CSMD1: variants seen among roughly 807,000 people sequenced by gnomAD.
CSMD1 encodes CUB and Sushi multiple domains 1, also known as CUB and sushi domain-containing protein 1.
In CSMD1, 213 loss-of-function variants were observed where a neutral mutation model predicts 417.5. The ratio of observed to expected loss-of-function variants is 0.51; its 90% CI spans 0.46 to 0.57. CSMD1 has a LOEUF of 0.57. Ranked by LOEUF, CSMD1 falls within the 20% of genes least tolerant of loss-of-function variation. The pLI is 0.00. For synonymous variants in CSMD1, 2,862 were observed against 1,736.8 expected, an observed-to-expected ratio of 1.65 and a Z score of -16.11; for missense variants, 6,923 against 4,529.7, an observed-to-expected ratio of 1.53 and a Z score of -15.17.
intron 3 of CSMD1, among the ~76,000 whole-genome samples, chr8:4,298,048 T>C (rs2128871494): frequency 6.6e-6 from 1 of 152,260 alleles, no homozygotes. Context: ...AACTCAAGCA[T>C]CACTACCAGT....
chr8:4,211,171 C>G (rs1369779453), intron 3 of CSMD1, among the ~76,000 whole-genome samples: 2 of 151,356 alleles, frequency 1.3e-5, no homozygotes, highest in African/African-American at 4.9e-5. Context: ...GGAAAAACAT[C>G]CTTGTACATG....
chr8:3,500,893 G>A (rs985907485), intron 10 of CSMD1, among the ~76,000 whole-genome samples: 3 of 151,974 alleles, frequency 2.0e-5, no homozygotes, highest in South Asian at 2.1e-4. Flanking sequence ...ATGAAGAGAA[G>A]TAAGAATGTG....
chr8:4,820,109 T>C (rs369801809), intron 1 of CSMD1, among the ~76,000 whole-genome samples: 344 of 152,268 alleles, frequency 2.3e-3, no homozygotes, highest in African/African-American at 7.9e-3. Context: ...AAGGCAAATC[T>C]GAGCTGGGAC....
At chr8:4,353,359 C>G (rs1462628546) in intron 3 of CSMD1, among the ~76,000 whole-genome samples, 1 of 152,148 alleles carries the variant, frequency 6.6e-6, no homozygotes, top group African/African-American at 2.4e-5. Flanking sequence ...TTGCCTTCCA[C>G]CATGATTGTG....
Position 4,030,285 on chromosome 8 carries a change from T to G in CSMD1, c.610+1620A>C, listed in dbSNP as rs190580158. Among the ~76,000 whole-genome samples, 1,074 of 152,314 alleles carry G rather than the reference T, an allele frequency of 7.1e-3. 8 individuals carry two copies. The highest frequency in any genetic ancestry group is 0.011 in the Non-Finnish European group (778 of 68,024). Reference sequence around the variant, plus strand: ...GCACTGCCCTAGCAAAGGTTCTCCATGAGGACCGCCACCCATAGCAAACTT... The same window carrying G: ...GCACTGCCCTAGCAAAGGTTCTCCAGGAGGACCGCCACCCATAGCAAACTT... On this transcript the variant is annotated intron_variant, in intron 4 of 69. Transcript: ENST00000635120.
At chr8:4,413,280 T>A (rs1796747720) in intron 3 of CSMD1, among the ~76,000 whole-genome samples, 1 of 152,168 alleles carries the variant, frequency 6.6e-6, no homozygotes, top group South Asian at 2.1e-4. Context: ...TGATCCTCAA[T>A]GACACAGCTT....
At chr8:3,981,834 G>T (rs540069558) in intron 5 of CSMD1, among the ~76,000 whole-genome samples, 4 of 152,154 alleles carry the variant, frequency 2.6e-5, no homozygotes, top group African/African-American at 7.2e-5. Context: ...GAGTCAGCAG[G>T]AGGGCGTGCA....
chr8:4,743,097 A>G (rs1366075577), intron 1 of CSMD1, among the ~76,000 whole-genome samples: 3 of 152,228 alleles, frequency 2.0e-5, no homozygotes, highest in Non-Finnish European at 4.4e-5. Context: ...GCTAAGAGTC[A>G]GTATATAATC....
chr8:4,164,133 T>C lies in CSMD1; in HGVS notation c.416-132034A>G, dbSNP rs973566675. On this transcript the variant is annotated intron_variant, in intron 3 of 69. Coordinates refer to ENST00000635120, the MANE Select transcript of CSMD1 (RefSeq NM_033225.6). ...TACTTTTAAATTTTATTATACCTGATAGTGTTCTCTTAAAATGTAATCATT... is the reference window on the plus strand; with the variant it reads ...TACTTTTAAATTTTATTATACCTGACAGTGTTCTCTTAAAATGTAATCATT... Among the ~76,000 whole-genome samples the C allele has an allele frequency of 5.3e-5, 8 of 152,116 alleles. No individual in the cohort carries two copies. In the East Asian group the frequency reaches 5.8e-4, roughly 11 times the overall value.
chr8:4,877,362 C>T (rs6558931), intron 1 of CSMD1, among the ~76,000 whole-genome samples: 130,326 of 152,078 alleles, frequency 0.86, 56,286 homozygotes, highest in East Asian at 0.98. Flanking sequence ...TTTTACATTT[C>T]TGTTTATCAT....
At chr8:3,541,318 C>G (rs1375989938) in intron 10 of CSMD1, among the ~76,000 whole-genome samples, 1 of 152,170 alleles carries the variant, frequency 6.6e-6, no homozygotes, top group Admixed American at 6.5e-5. Context: ...TAAGTGGGAG[C>G]TGAACAATGA....
chr8:4,974,761 T>C (rs990590245), intron 1 of CSMD1, among the ~76,000 whole-genome samples: 3 of 152,180 alleles, frequency 2.0e-5, no homozygotes, highest in Non-Finnish European at 4.4e-5. Context: ...TAGAAGGTGA[T>C]TTTTTGAGCC....
At chr8:3,119,444 TC>T (rs1446041483) in intron 41 of CSMD1, among the ~76,000 whole-genome samples, 2 of 138,844 alleles carry the variant, frequency 1.4e-5, no homozygotes, top group African/African-American at 2.6e-5. Context: ...ACAACTACTA[TC>T]AGTACAATTT....
intron 3 of CSMD1, among the ~76,000 whole-genome samples, chr8:4,317,203 T>G (rs1798984554): frequency 6.6e-6 from 1 of 152,206 alleles, no homozygotes; most frequent in Admixed American, 6.5e-5. Flanking sequence ...ATGGGTTATA[T>G]TTTATTTACA....
intron 7 of CSMD1, among the ~76,000 whole-genome samples, chr8:3,698,006 A>G (rs563082336): frequency 4.3e-4 from 66 of 152,244 alleles, no homozygotes; most frequent in African/African-American, 1.3e-3. Flanking sequence ...CTGTAATCCA[A>G]TCAGGCTATA....
At chr8:4,187,902 C>T (rs6995684) in intron 3 of CSMD1, among the ~76,000 whole-genome samples, 131,436 of 151,952 alleles carry the variant, frequency 0.86, 56,950 homozygotes, top group South Asian at 0.94. Context: ...GGCATGATAT[C>T]ATGCATTTGT....
chr8:3,046,833 CCACTAAGATAAGGAA>C, intron 50 of CSMD1, among the ~76,000 whole-genome samples: 1 of 152,274 alleles, frequency 6.6e-6, no homozygotes, highest in South Asian at 2.1e-4. Flanking sequence ...TTGTATTAAA[CCACTAAGATAAGGAA>C]CATAATATCT....
At chr8:4,745,557 T>A (rs1051326131) in intron 1 of CSMD1, among the ~76,000 whole-genome samples, 3 of 152,130 alleles carry the variant, frequency 2.0e-5, no homozygotes, top group Non-Finnish European at 4.4e-5. Flanking sequence ...ACTATTCACT[T>A]ATTGAAATGT....
At chr8:4,056,790 G>GT (rs1426435964) in intron 3 of CSMD1, among the ~76,000 whole-genome samples, 2 of 151,920 alleles carry the variant, frequency 1.3e-5, no homozygotes, top group Non-Finnish European at 2.9e-5. Flanking sequence ...GCGGTGTTTC[G>GT]TTTTTTGTCC....
Sources: allele counts gnomAD v4.1 joint callset (sites outside exome capture counted in the v4.1 genomes callset), GRCh38; gene constraint gnomAD v4.1.1; transcripts MANE v1.5; gene names NCBI Gene and HGNC (gene_info 2026-07-23, HGNC 2026-07-21).